STAG1: variants seen among roughly 807,000 people sequenced by gnomAD.
STAG1 encodes STAG1 cohesin complex component.
A neutral mutation model predicts 170.9 loss-of-function variants in STAG1; 26 were observed. That is an observed-to-expected ratio of 0.15 (90% CI 0.11 to 0.21). The LOEUF (loss-of-function observed/expected upper bound fraction) is 0.21, where lower values mean the gene tolerates loss of function less well. STAG1 is among the 10% of genes least tolerant of loss of function. The pLI is 1.00. For missense variants in STAG1, 964 were observed against 1,509.5 expected, an observed-to-expected ratio of 0.64 and a Z score of 5.99; for synonymous variants, 514 against 497.7, an observed-to-expected ratio of 1.03 and a Z score of -0.44.
intron 16 of STAG1, among the ~76,000 whole-genome samples, chr3:136,429,326 G>A (rs1364657072): frequency 6.6e-6 from 1 of 152,176 alleles, no homozygotes; most frequent in African/African-American, 2.4e-5. Flanking sequence ...AGAATCGCTT[G>A]AACCCGGGAG....
chr3:136,466,832 G>C (rs1294462760), intron 12 of STAG1, among the ~76,000 whole-genome samples: 1 of 152,202 alleles, frequency 6.6e-6, no homozygotes, highest in African/African-American at 2.4e-5. Flanking sequence ...AGCCAGAAGA[G>C]AGTGGAAGCC....
chr3:136,487,460 C>T (rs1315180678), intron 9 of STAG1, among the ~76,000 whole-genome samples: 3 of 152,170 alleles, frequency 2.0e-5, no homozygotes, highest in Non-Finnish European at 4.4e-5. Context: ...TTGTCTACTT[C>T]AGATGCCAGT....
chr3:136,376,005 T>TAAAATA (rs1553796051), intron 23 of STAG1, among the ~76,000 whole-genome samples: 11 of 63,940 alleles, frequency 1.7e-4, no homozygotes, highest in South Asian at 1.3e-3. Flanking sequence ...AATAAATAAA[T>TAAAATA]AAATAATTAA....
At chr3:136,720,945 C>T (rs1270904804) in intron 1 of STAG1, among the ~76,000 whole-genome samples, 1 of 152,176 alleles carries the variant, frequency 6.6e-6, no homozygotes, top group African/African-American at 2.4e-5. Context: ...ACAGACATAC[C>T]TATTTATTAC....
At chr3:136,432,519 G>C (rs200876160) in intron 16 of STAG1, among the ~76,000 whole-genome samples, 2 of 80,210 alleles carry the variant, frequency 2.5e-5, no homozygotes, top group South Asian at 3.6e-4. Flanking sequence ...TTTTTTGGGG[G>C]GGGGGGGGCA....
chr3:136,639,224 A>G (rs571047627), intron 1 of STAG1, among the ~76,000 whole-genome samples: 1 of 151,350 alleles, frequency 6.6e-6, no homozygotes, highest in African/African-American at 2.4e-5. Context: ...CAGCTACTCT[A>G]TTCCAGAAGC....
rs1207671431 is a variant in STAG1 at position 136,565,011 on chromosome 3, A to AAGGAAGGAAGGAAGGC, written c.394+3753_394+3754insGCCTTCCTTCCTTCCT. On this transcript the variant is annotated intron_variant, in intron 5 of 33. Coordinates refer to ENST00000383202, the MANE Select transcript of STAG1 (RefSeq NM_005862.3). ...GAAGGAAGGAAGGAAGGAAGGAAGG[A>AAGGAAGGAAGGAAGGC]AGGCAGGCAGGCAGGCAGGCAGGCA... 1.0e-3 allele frequency among the ~76,000 whole-genome samples: 47 copies of AAGGAAGGAAGGAAGGC among 45,452 alleles called. 1 individual carries two copies. Among genetic ancestry groups the AAGGAAGGAAGGAAGGC allele is most frequent in the South Asian group, 1.6e-3 (2 of 1,278 alleles). 29.8% of individuals were successfully genotyped at this position (45,452 alleles called of 152,430 possible).
chr3:136,462,977 A>T (rs2089315623), intron 13 of STAG1, among the ~76,000 whole-genome samples: 1 of 152,316 alleles, frequency 6.6e-6, no homozygotes, highest in African/African-American at 2.4e-5. Context: ...AGAAGCAACA[A>T]ATTATTTCTA....
At chr3:136,724,256 C>T (rs74906098) in intron 1 of STAG1, among the ~76,000 whole-genome samples, 1 of 152,110 alleles carries the variant, frequency 6.6e-6, no homozygotes, top group African/African-American at 2.4e-5. Context: ...TTGTTCTGTA[C>T]TAAGAAAAAT....
chr3:136,667,253 A>G (rs1941815832), intron 1 of STAG1, among the ~76,000 whole-genome samples: 1 of 152,176 alleles, frequency 6.6e-6, no homozygotes, highest in South Asian at 2.1e-4. Flanking sequence ...TGATAATAAC[A>G]GACACTATCT....
At chr3:136,586,050 C>A (rs1305878641) in intron 4 of STAG1, among the ~76,000 whole-genome samples, 2 of 152,128 alleles carry the variant, frequency 1.3e-5, no homozygotes, top group South Asian at 2.1e-4. Flanking sequence ...AGGGTACATG[C>A]AGGATAATTT....
At chr3:136,517,684 A>G (rs1372118570) in intron 7 of STAG1, among the ~76,000 whole-genome samples, 1 of 150,034 alleles carries the variant, frequency 6.7e-6, no homozygotes, top group Non-Finnish European at 1.5e-5. Context: ...AAAAGTTCCC[A>G]GTCTCAGATT....
At chr3:136,512,396 T>C (rs1934114595) in intron 7 of STAG1, among the ~76,000 whole-genome samples, 1 of 152,180 alleles carries the variant, frequency 6.6e-6, no homozygotes, top group African/African-American at 2.4e-5. Flanking sequence ...AAGTGTGTTA[T>C]GGTCTGAAAA....
chr3:136,362,669 T>C (rs977659052), intron 26 of STAG1, among the ~76,000 whole-genome samples: 13 of 151,454 alleles, frequency 8.6e-5, no homozygotes, highest in South Asian at 4.2e-4. Flanking sequence ...TCATCAATTA[T>C]GAACTCTGTG....
chr3:136,580,521 CTTTTTTTTTT>C (rs760635116), intron 4 of STAG1, among the ~76,000 whole-genome samples: 4 of 100,356 alleles, frequency 4.0e-5, no homozygotes, highest in East Asian at 3.3e-4. Context: ...TTGTATAATT[CTTTTTTTTTT>C]TTTTTTTTTT....
rs144508466 is a variant in STAG1 at position 136,624,101 on chromosome 3, T to C, written c.30-853A>G. On this transcript the variant is annotated intron_variant, in intron 2 of 33. Transcript: ENST00000383202. ...GATAATTTTTGCCCAACTCTTATATTGGAATCTTTTTTTTTTTGAGACAGT... is the reference window on the plus strand; with the variant it reads ...GATAATTTTTGCCCAACTCTTATATCGGAATCTTTTTTTTTTTGAGACAGT... Among the ~76,000 whole-genome samples, 185 of 151,992 alleles carry C rather than the reference T, an allele frequency of 1.2e-3. 1 individual carries two copies. The highest frequency in any genetic ancestry group is 4.1e-3 in the African/African-American group (170 of 41,432).
chr3:136,668,401 A>G (rs1032938800), intron 1 of STAG1, among the ~76,000 whole-genome samples: 1 of 146,308 alleles, frequency 6.8e-6, no homozygotes, highest in African/African-American at 2.5e-5. Flanking sequence ...AATATATATT[A>G]TGTATAATAT....
chr3:136,715,495 CTG>C (rs1943516665), intron 1 of STAG1, among the ~76,000 whole-genome samples: 2 of 151,962 alleles, frequency 1.3e-5, no homozygotes, highest in Non-Finnish European at 2.9e-5. Context: ...TGGTACACAC[CTG>C]TAGTGCCAAC....
chr3:136,657,432 C>T (rs1020331278), intron 1 of STAG1, among the ~76,000 whole-genome samples: 31 of 151,950 alleles, frequency 2.0e-4, no homozygotes, highest in Non-Finnish European at 3.5e-4. Flanking sequence ...TCAAATAATC[C>T]GCCTGCCTCA....
Sources: gnomAD v4.1 joint callset for allele counts (sites outside exome capture counted in the v4.1 genomes callset) on GRCh38, gnomAD v4.1.1 for gene constraint, MANE v1.5 for transcripts, NCBI Gene and HGNC (gene_info 2026-07-23, HGNC 2026-07-21) for gene names.